MEI4: variants seen among roughly 807,000 people sequenced by gnomAD.
The protein encoded by MEI4 is meiosis-specific protein MEI4.
Under a neutral mutation model 31.4 loss-of-function variants are expected in MEI4, and 27 were observed. That is an observed-to-expected ratio of 0.86 (90% CI 0.63 to 1.19). The LOEUF is 1.19. MEI4 is among the 50% of genes most tolerant of loss of function. MEI4 has a pLI of 0.00. For synonymous variants in MEI4, 122 were observed against 145.4 expected, an observed-to-expected ratio of 0.84 and a Z score of 1.16; for missense variants, 329 against 398.9, an observed-to-expected ratio of 0.82 and a Z score of 1.49.
At chr6:77,794,086 A>AT (rs1264911959) in intron 3 of MEI4, among the ~76,000 whole-genome samples, 1 of 152,166 alleles carries the variant, frequency 6.6e-6, no homozygotes, top group African/African-American at 2.4e-5. Flanking sequence ...CACAGCTGGG[A>AT]TGAAAGTGAA....
intron 3 of MEI4, among the ~76,000 whole-genome samples, chr6:77,771,815 T>A (rs1768326456): frequency 6.6e-6 from 1 of 151,838 alleles, no homozygotes; most frequent in African/African-American, 2.4e-5. Context: ...GGGAGAAGAC[T>A]AGAAAAAATA....
rs150171246 is a variant in MEI4, at chr6:77,828,020, C to A, written c.769-911C>A. Among the ~76,000 whole-genome samples the A allele has an allele frequency of 3.3e-5, 5 of 152,134 alleles. No homozygotes were observed. The East Asian group carries it at 5.8e-4, about 18-fold the overall frequency. On this transcript the variant is annotated intron_variant, in intron 3 of 4. Transcript: ENST00000684080. Reference sequence around the variant, plus strand: ...ATTTAACTTTTCAAGGTTCAGTGAACTAAATTCCTGTTATATAGCTGTGAA... The same window carrying A: ...ATTTAACTTTTCAAGGTTCAGTGAAATAAATTCCTGTTATATAGCTGTGAA...
chr6:77,687,548 A>G (rs1769080762), intron 1 of MEI4, among the ~76,000 whole-genome samples: 1 of 152,074 alleles, frequency 6.6e-6, no homozygotes, highest in Non-Finnish European at 1.5e-5. Context: ...ATCAGACTGC[A>G]CTCAGTTTAA....
At chr6:77,728,181 T>A (rs1277580340) in intron 2 of MEI4, among the ~76,000 whole-genome samples, 1 of 152,140 alleles carries the variant, frequency 6.6e-6, no homozygotes, top group Non-Finnish European at 1.5e-5. Context: ...AACTGAAAGT[T>A]AAAAAAATAT....
intron 3 of MEI4, among the ~76,000 whole-genome samples, chr6:77,805,349 A>G: frequency 6.6e-6 from 1 of 152,202 alleles, no homozygotes; most frequent in Admixed American, 6.5e-5. Context: ...AAATTTCATG[A>G]GCTTTCCAGC....
chr6:77,756,502 T>A (rs1409751618), intron 2 of MEI4, among the ~76,000 whole-genome samples: 1 of 152,088 alleles, frequency 6.6e-6, no homozygotes. Context: ...ATAAAAGTTA[T>A]TAATAGTAGA....
chr6:77,813,203 G>T (rs1250647719), intron 3 of MEI4, among the ~76,000 whole-genome samples: 12 of 152,030 alleles, frequency 7.9e-5, no homozygotes, highest in Admixed American at 4.6e-4. Context: ...TTAACATAGG[G>T]TCAGTAAATT....
At chr6:77,678,104 G>T (rs1332352501) in intron 1 of MEI4, among the ~76,000 whole-genome samples, 4 of 152,102 alleles carry the variant, frequency 2.6e-5, no homozygotes, top group Non-Finnish European at 5.9e-5. Context: ...AGTTCTTATT[G>T]CTTGAGTATT....
At chr6:77,736,336 G>C (rs1767216320) in intron 2 of MEI4, among the ~76,000 whole-genome samples, 1 of 152,056 alleles carries the variant, frequency 6.6e-6, no homozygotes, top group Non-Finnish European at 1.5e-5. Context: ...ATAATCTCCT[G>C]GTGCGCCGTT....
chr6:77,676,966 C>G (rs746855314), intron 1 of MEI4, among the ~76,000 whole-genome samples: 1 of 152,066 alleles, frequency 6.6e-6, no homozygotes. Flanking sequence ...ACACATTACA[C>G]AGAATGGTTA....
chr6:77,756,041 C>T (rs1038982721), intron 2 of MEI4, among the ~76,000 whole-genome samples: 6 of 152,112 alleles, frequency 3.9e-5, no homozygotes, highest in Non-Finnish European at 7.4e-5. Flanking sequence ...ATTATCTTTT[C>T]TCTCCTTTGG....
Position 77,849,024 on chromosome 6 carries a change from C to T in MEI4, c.900+19962C>T, listed in dbSNP as rs73763510. ...GTCATCAATAATTATTTTGAATGAA[C>T]ACACATATAATATAATTGCTGGGTT... On this transcript the variant is annotated intron_variant, in intron 4 of 4. Transcript: ENST00000684080. Among the ~76,000 whole-genome samples the T allele has an allele frequency of 9.2e-3, 1,395 of 151,814 alleles. 17 individuals carry two copies. The highest frequency in any genetic ancestry group is 0.031 in the African/African-American group (1,291 of 41,372).
At position 77,713,405 on chromosome 6, in the gene MEI4, T is replaced by C. The variant is rs558004483; in HGVS notation, c.232+22502T>C. On this transcript the variant is annotated intron_variant, in intron 2 of 4. Transcript: ENST00000684080. ...GTTTGTTTTAAGGAATTGAGAATTTTATTGTTTAATTCTGTCTTATATAAA... is the reference window on the plus strand; with the variant it reads ...GTTTGTTTTAAGGAATTGAGAATTTCATTGTTTAATTCTGTCTTATATAAA... 2.4e-5 allele frequency among the ~76,000 whole-genome samples: 3 copies of C among 126,890 alleles called. No individual in the cohort carries two copies. The East Asian group carries it at 7.4e-4, about 31-fold the overall frequency. The allele number at this position is 126,890 out of a possible 152,430, so 83.2% of individuals were successfully genotyped here.
chr6:77,818,609 A>G (rs928511182), intron 3 of MEI4, among the ~76,000 whole-genome samples: 2 of 152,186 alleles, frequency 1.3e-5, no homozygotes, highest in Non-Finnish European at 2.9e-5. Context: ...TTTTTTCTAT[A>G]TTATATTGTA....
intron 3 of MEI4, among the ~76,000 whole-genome samples, chr6:77,767,909 CAG>C (rs1228997117): frequency 6.6e-6 from 1 of 152,142 alleles, no homozygotes; most frequent in African/African-American, 2.4e-5. Flanking sequence ...GAGGAAGAGA[CAG>C]AACAGAACTT....
intron 4 of MEI4, among the ~76,000 whole-genome samples, chr6:77,866,663 A>G (rs1295677149): frequency 6.6e-6 from 1 of 152,222 alleles, no homozygotes; most frequent in African/African-American, 2.4e-5. Context: ...AAAGTAATTT[A>G]TAGATTCAGT....
At chr6:77,793,065 C>G (rs375548854) in intron 3 of MEI4, among the ~76,000 whole-genome samples, 1 of 152,036 alleles carries the variant, frequency 6.6e-6, no homozygotes, top group African/African-American at 2.4e-5. Context: ...GTGTTAATAG[C>G]AACTTTATTG....
intron 2 of MEI4, among the ~76,000 whole-genome samples, chr6:77,738,021 C>G (rs1216991200): frequency 6.6e-6 from 1 of 152,172 alleles, no homozygotes; most frequent in Admixed American, 6.5e-5. Context: ...AGAAAGTCAT[C>G]TGCCTAAAAG....
rs189630312 is a variant in MEI4 at position 77,789,830 on chromosome 6, A to T, written c.768+28165A>T. Among the ~76,000 whole-genome samples, 219 of 152,216 alleles carry T rather than the reference A, an allele frequency of 1.4e-3. 1 individual carries two copies. The highest frequency in any genetic ancestry group is 4.6e-3 in the African/African-American group (190 of 41,556). ...TGGGACTGTAAACTATTTCAACCATAGTGGAAGTCAGTGTGGCGATTCCTC... is the reference window on the plus strand; with the variant it reads ...TGGGACTGTAAACTATTTCAACCATTGTGGAAGTCAGTGTGGCGATTCCTC... On this transcript the variant is annotated intron_variant, in intron 3 of 4. Coordinates refer to ENST00000684080, the MANE Select transcript of MEI4 (RefSeq NM_001322247.2).
Sources: allele counts gnomAD v4.1 joint callset (sites outside exome capture counted in the v4.1 genomes callset), GRCh38; gene constraint gnomAD v4.1.1; transcripts MANE v1.5; gene names NCBI Gene and HGNC (gene_info 2026-07-23, HGNC 2026-07-21).